Variants in PLIN2 observed in about 807,000 individuals in gnomAD.
The protein encoded by PLIN2 is perilipin 2.
Under a neutral mutation model 30.6 loss-of-function variants are expected in PLIN2, and 33 were observed. That is an observed-to-expected ratio of 1.08 (90% confidence interval 0.82 to 1.44). The LOEUF is 1.44. Ranked by LOEUF, PLIN2 falls within the 40% of genes most tolerant of loss-of-function variation. The pLI, the probability that PLIN2 is intolerant of heterozygous loss-of-function variation, is 0.00. For synonymous variants in PLIN2, 205 were observed against 201.1 expected (o/e 1.02, Z -0.16); for missense variants, 610 against 531.8 (o/e 1.15, Z -1.45).
chr9:19,126,105 A>T lies in PLIN2; in HGVS notation c.226+9T>A. 1.9e-6 allele frequency: 3 copies of T among 1,611,766 alleles called. No homozygotes were observed. The highest frequency in any genetic ancestry group is 2.2e-5 in the South Asian group (2 of 90,984). ...CCCTTGACTTGCATCTTGAAAAATC[A>T]GAACTCACTTTGCGGCTCTAGCTTC... On this transcript the variant is annotated intron_variant, in intron 3 of 7. Coordinates refer to ENST00000276914, the MANE Select transcript of PLIN2 (RefSeq NM_001122.4).
At chr9:19,112,048 G>A (rs1818166630), downstream of PLIN2, among the ~76,000 whole-genome samples, 1 of 152,098 alleles carries the variant, frequency 6.6e-6, no homozygotes, top group Non-Finnish European at 1.5e-5. Flanking sequence ...TGCCTCTAGC[G>A]CAAATTTAAA....
At chr9:19,109,541 A>G (rs547572210) in intron 2 of PLIN2, among the ~76,000 whole-genome samples, 5 of 9,690 alleles carry the variant, frequency 5.2e-4, no homozygotes, top group Admixed American at 1.1e-3. Flanking sequence ...ACTCTGTCTG[A>G]AAAAAAAAAA....
At chr9:19,118,476 C>A (rs964348037) in intron 6 of PLIN2, 21 bp from the exon 7 acceptor site, 11 of 1,606,626 alleles carry the variant, frequency 6.8e-6, no homozygotes, top group Non-Finnish European at 9.3e-6. Context: ...TGAAACAAGA[C>A]AAAGGAACAC....
At chr9:19,115,602 C>T (rs772035963), downstream of PLIN2, among the ~76,000 whole-genome samples, 3 of 152,056 alleles carry the variant, frequency 2.0e-5, no homozygotes, top group Non-Finnish European at 2.9e-5. Flanking sequence ...CCACAGCACC[C>T]GGCCAAGCAT....
chr9:19,123,700 C>A, intron 3 of PLIN2, 53 bp from the exon 4 acceptor site: 1 of 1,459,520 alleles, frequency 6.9e-7, no homozygotes, highest in East Asian at 2.3e-5. Context: ...ATAGAATGAA[C>A]ACACATTACC....
downstream of PLIN2, among the ~76,000 whole-genome samples, chr9:19,115,551 C>T (rs1818208454): frequency 6.6e-6 from 1 of 152,116 alleles, no homozygotes; most frequent in South Asian, 2.1e-4. Flanking sequence ...TCGTGATCCG[C>T]CCACCTCAGC....
intron 1 of PLIN2, among the ~76,000 whole-genome samples, chr9:19,126,998 C>A (rs1326367786): frequency 6.6e-6 from 1 of 151,934 alleles, no homozygotes; most frequent in African/African-American, 2.4e-5. Flanking sequence ...GCCTAGATGG[C>A]GTCACTGCAC....
chr9:19,109,643 A>G (rs1407266837), intron 2 of PLIN2, among the ~76,000 whole-genome samples: 1 of 151,698 alleles, frequency 6.6e-6, no homozygotes, highest in Non-Finnish European at 1.5e-5. Flanking sequence ...CTGATTACCT[A>G]ACAGAGGAAA....
At chr9:19,119,300 AG>A (rs1818276801) in intron 6 of PLIN2, among the ~76,000 whole-genome samples, 1 of 152,238 alleles carries the variant, frequency 6.6e-6, no homozygotes, top group Non-Finnish European at 1.5e-5. Flanking sequence ...CTCCAAGTGT[AG>A]GTATGCTTGT....
At chr9:19,119,570 G>T in intron 6 of PLIN2, 80 bp downstream of exon 6, 1 of 829,838 alleles carries the variant, frequency 1.2e-6, no homozygotes, top group Non-Finnish European at 1.8e-6. Context: ...GAAATTCTTG[G>T]ATTTTGTGAT....
Position 19,119,797 on chromosome 9 carries a change from C to A in PLIN2, c.630G>T (p.Leu210=), listed in dbSNP as rs769719678. ...TAACATAATAACTTGGCTTCTGAAC[C>A]AGATCAAATCCTTCAACTTTTTTTG... is the stretch of plus-strand genomic sequence containing the variant. ...KEAKKVEGFD[L]VQKPSYYVRL... is the part of the protein sequence containing the mutation. Residue 210 remains leucine, a synonymous_variant, in exon 6 of 8, where the codon CTG becomes CTT. Coordinates refer to ENST00000276914, the MANE Select transcript of PLIN2 (RefSeq NM_001122.4). The A allele has an allele frequency of 1.1e-5, 18 of 1,574,710 alleles. No homozygotes were observed. The South Asian group carries it at 2.1e-4, about 18-fold the overall frequency.
intron 3 of PLIN2, chr9:19,125,842 G>T (rs762753030): frequency 2.0e-5 from 6 of 295,308 alleles, no homozygotes; most frequent in East Asian, 6.0e-5. Context: ...AGAATCACTT[G>T]AACCCAGCAG....
At chr9:19,124,946 T>C (rs1818372986) in intron 3 of PLIN2, among the ~76,000 whole-genome samples, 1 of 152,168 alleles carries the variant, frequency 6.6e-6, no homozygotes, top group African/African-American at 2.4e-5. Flanking sequence ...TTTGAAAACA[T>C]TATGCTTAAC....
At chr9:19,118,833 C>T (rs1288392748) in intron 6 of PLIN2, among the ~76,000 whole-genome samples, 1 of 152,144 alleles carries the variant, frequency 6.6e-6, no homozygotes. Flanking sequence ...GCTGGGATTA[C>T]AGGCATACGC....
rs1193151742 is a variant in PLIN2, at chr9:19,116,352, G to T, written c.1210C>A (p.Pro404Thr). Reference sequence around the variant, plus strand: ...GACTCAGTCAGCTGAGGATAAAAGGGACCTACCAGCCAGTTGAGGGGCGTG... The same window carrying T: ...GACTCAGTCAGCTGAGGATAAAAGGTACCTACCAGCCAGTTGAGGGGCGTG... ...NNTPLNWLVG[P>T]FYPQLTESQN... Residue 404 changes from proline (P) to threonine (T), a missense_variant, in exon 8 of 8, where the codon CCC (proline) becomes ACC (threonine). By Grantham distance (38) the Pro-to-Thr change is conservative. Coordinates refer to ENST00000276914, the MANE Select transcript of PLIN2 (RefSeq NM_001122.4). The T allele has an allele frequency of 6.2e-7, 1 of 1,614,138 alleles. No individual in the cohort carries two copies. The highest frequency in any genetic ancestry group is 1.7e-5 in the Admixed American group (1 of 60,008).
chr9:19,121,512 A>T (rs1818316218), intron 4 of PLIN2, among the ~76,000 whole-genome samples: 2 of 149,478 alleles, frequency 1.3e-5, no homozygotes, highest in African/African-American at 5.0e-5. Context: ...AAAAAAAGAG[A>T]AGAGAAAAGA....
chr9:19,110,395 A>G (rs999035017), intron 2 of PLIN2, among the ~76,000 whole-genome samples: 3 of 152,194 alleles, frequency 2.0e-5, no homozygotes, highest in African/African-American at 7.2e-5. Flanking sequence ...GTTGTATAAC[A>G]TTGTGAATGT....
intron 3 of PLIN2, among the ~76,000 whole-genome samples, chr9:19,124,801 TA>T (rs1818370581): frequency 6.6e-6 from 1 of 152,198 alleles, no homozygotes; most frequent in African/African-American, 2.4e-5. Flanking sequence ...GCATTATACA[TA>T]ATCTCCAAAA....
In PLIN2 at chr9:19,115,993, A is replaced by G; in HGVS notation, c.*255T>C. ...CACAATGGCCATAGAATGAGAACAT[A>G]AGTGCATTTGAATTTTTTCTGAGTT... On this transcript the variant is annotated 3_prime_UTR_variant, in exon 8 of 8. Transcript: ENST00000276914. The G allele has an allele frequency of 2.7e-6, 1 of 364,624 alleles. No individual in the cohort carries two copies. Among genetic ancestry groups the G allele is most frequent in the East Asian group, 4.9e-5 (1 of 20,502 alleles). 22.6% of individuals were successfully genotyped at this position (364,624 alleles called of 1,614,324 possible).
Sources: gnomAD v4.1 joint callset for allele counts (sites outside exome capture counted in the v4.1 genomes callset) on GRCh38, gnomAD v4.1.1 for gene constraint, MANE v1.5 for transcripts, NCBI Gene and HGNC (gene_info 2026-07-23, HGNC 2026-07-21) for gene names.